Variants in CEP112 observed in about 807,000 individuals in gnomAD.
The protein encoded by CEP112 is centrosomal protein 112, also known as centrosomal protein of 112 kDa.
In CEP112, 127 loss-of-function variants were observed where a neutral mutation model predicts 153.0. The observed-to-expected ratio is 0.83, with a 90% CI of 0.72 to 0.96. The LOEUF is 0.96. Ranked by LOEUF, CEP112 falls within the 40% of genes least tolerant of loss-of-function variation. The pLI is 0.00. For missense variants in CEP112, 1,089 were observed against 1,101.2 expected (o/e 0.99, Z 0.16); for synonymous variants, 358 against 374.4 (o/e 0.96, Z 0.51).
In CEP112 at chr17:66,047,397, G is replaced by A. The variant is rs9910692; in HGVS notation, c.1218+6339C>T. On this transcript the variant is annotated intron_variant, in intron 12 of 26. Coordinates refer to ENST00000535342, the MANE Select transcript of CEP112 (RefSeq NM_001199165.4). ...TTCCCAAAGTGCTGGGATTACAGGC[G>A]AAAGCCACTGCACCCAGCCTGTTTT... 5.8e-3 allele frequency among the ~76,000 whole-genome samples: 887 copies of A among 152,322 alleles called. 9 individuals are homozygous for A. Among genetic ancestry groups the A allele is most frequent in the African/African-American group, 0.02 (852 of 41,578 alleles).
At chr17:65,947,265 G>A (rs1333000407) in intron 18 of CEP112, among the ~76,000 whole-genome samples, 1 of 151,958 alleles carries the variant, frequency 6.6e-6, no homozygotes, top group African/African-American at 2.4e-5. Flanking sequence ...ACACCTTTAT[G>A]CATTGGTCTA....
At chr17:65,674,026 G>A (rs1449278616) in intron 24 of CEP112, among the ~76,000 whole-genome samples, 4 of 152,114 alleles carry the variant, frequency 2.6e-5, no homozygotes, top group East Asian at 1.9e-4. Context: ...ACAGGCGTGC[G>A]CCACCAAGCC....
At chr17:65,986,025 TG>T (rs2063394838) in intron 17 of CEP112, among the ~76,000 whole-genome samples, 1 of 152,060 alleles carries the variant, frequency 6.6e-6, no homozygotes, top group Admixed American at 6.6e-5. Context: ...TAAAGAGAAT[TG>T]AAGTAATAGA....
chr17:65,697,575 G>A (rs1009663085), intron 23 of CEP112, among the ~76,000 whole-genome samples: 1 of 152,020 alleles, frequency 6.6e-6, no homozygotes, highest in African/African-American at 2.4e-5. Context: ...CTAGGACAAA[G>A]CAAGAGGATC....
intron 16 of CEP112, among the ~76,000 whole-genome samples, chr17:66,006,589 G>C (rs1052815025): frequency 2.6e-5 from 4 of 151,440 alleles, no homozygotes; most frequent in Non-Finnish European, 5.9e-5. Context: ...CTGGGCAACA[G>C]AGTGAGACTC....
At chr17:65,821,634 C>A (rs2056591700) in intron 21 of CEP112, among the ~76,000 whole-genome samples, 1 of 144,442 alleles carries the variant, frequency 6.9e-6, no homozygotes, top group South Asian at 2.3e-4. Context: ...TTACCACAAC[C>A]TCTGCTTCCC....
chr17:65,751,852 G>C (rs2051872913), intron 21 of CEP112, among the ~76,000 whole-genome samples: 1 of 152,120 alleles, frequency 6.6e-6, no homozygotes, highest in Non-Finnish European at 1.5e-5. Context: ...GCATCACACA[G>C]CTAGGAAGTG....
intron 19 of CEP112, among the ~76,000 whole-genome samples, chr17:65,920,362 AATATATATATATATAT>A (rs55934550): frequency 0.012 from 505 of 42,786 alleles, 33 homozygotes; most frequent in Admixed American, 0.018. Context: ...AAACAAACAA[AATATATATATATATAT>A]ATATATATAT....
intron 23 of CEP112, among the ~76,000 whole-genome samples, chr17:65,690,621 C>G (rs2048062561): frequency 6.6e-6 from 1 of 151,822 alleles, no homozygotes; most frequent in African/African-American, 2.4e-5. Context: ...TCCAAGAAGG[C>G]CCAGCTGGGC....
intron 24 of CEP112, among the ~76,000 whole-genome samples, chr17:65,672,233 G>C (rs1394742895): frequency 6.6e-6 from 1 of 152,156 alleles, no homozygotes; most frequent in Admixed American, 6.5e-5. Flanking sequence ...ATCCATATTA[G>C]GATAGATTTC....
rs572416108 is a variant in CEP112 at position 65,950,696 on chromosome 17, T to C, written c.1872+10767A>G. Among the ~76,000 whole-genome samples, 12 of 97,442 alleles carry C rather than the reference T, an allele frequency of 1.2e-4. No homozygotes were observed. The Admixed American group carries it at 1.4e-3, about 11-fold the overall frequency. The allele number at this position is 97,442 out of a possible 152,430, so 63.9% of individuals were successfully genotyped here. A position where few individuals can be genotyped will look rare whatever the true frequency, so the allele number is the denominator to read the frequency against. ...CTTCTTTCTTTCCATTCTGGATACA[T>C]TACTAGTAGTAGTAGTAGTAGTAGT... On this transcript the variant is annotated intron_variant, in intron 18 of 26. Coordinates refer to ENST00000535342, the MANE Select transcript of CEP112 (RefSeq NM_001199165.4).
intron 24 of CEP112, among the ~76,000 whole-genome samples, chr17:65,677,610 C>A (rs2047297459): frequency 6.6e-6 from 1 of 152,088 alleles, no homozygotes; most frequent in Non-Finnish European, 1.5e-5. Flanking sequence ...ACATCTGGTA[C>A]CTTTAAAACA....
intron 21 of CEP112, among the ~76,000 whole-genome samples, chr17:65,780,552 A>G (rs941628931): frequency 6.6e-6 from 1 of 152,046 alleles, no homozygotes; most frequent in African/African-American, 2.4e-5. Flanking sequence ...TAAAATCTCT[A>G]CCTTCTGTAA....
chr17:65,713,928 A>G (rs1452600110), intron 23 of CEP112, among the ~76,000 whole-genome samples: 1 of 146,258 alleles, frequency 6.8e-6, no homozygotes, highest in Admixed American at 6.8e-5. Context: ...ATCTCCAAGG[A>G]GCTGAAGAAC....
intron 17 of CEP112, among the ~76,000 whole-genome samples, chr17:65,990,318 A>G (rs2063550941): frequency 6.6e-6 from 1 of 152,246 alleles, no homozygotes; most frequent in Non-Finnish European, 1.5e-5. Context: ...AAGAACCATC[A>G]CAGGAACCAA....
At chr17:65,938,946 G>A (rs1437940152) in intron 18 of CEP112, among the ~76,000 whole-genome samples, 1 of 151,974 alleles carries the variant, frequency 6.6e-6, no homozygotes, top group Non-Finnish European at 1.5e-5. Context: ...TGAGTAGCTG[G>A]GATTACAGGT....
intron 19 of CEP112, among the ~76,000 whole-genome samples, chr17:65,910,890 T>C (rs1039975988): frequency 6.6e-6 from 1 of 152,168 alleles, no homozygotes; most frequent in African/African-American, 2.4e-5. Flanking sequence ...ACTCAAGGAC[T>C]GTAGTCCCCA....
intron 6 of CEP112, among the ~76,000 whole-genome samples, chr17:66,108,953 G>C (rs2068899652): frequency 6.6e-6 from 1 of 152,176 alleles, no homozygotes; most frequent in Non-Finnish European, 1.5e-5. Flanking sequence ...ATGAGATCCT[G>C]TCATTTGCAA....
intron 21 of CEP112, among the ~76,000 whole-genome samples, chr17:65,792,257 G>A (rs1016378673): frequency 6.6e-6 from 1 of 152,092 alleles, no homozygotes; most frequent in Non-Finnish European, 1.5e-5. Context: ...TAATAATTTA[G>A]CATAAGAAAA....
Sources: gnomAD v4.1 joint callset for allele counts (sites outside exome capture counted in the v4.1 genomes callset) on GRCh38, gnomAD v4.1.1 for gene constraint, MANE v1.5 for transcripts, NCBI Gene and HGNC (gene_info 2026-07-23, HGNC 2026-07-21) for gene names.